The following FAM168A variants were observed in gnomAD, a reference collection of about 807,000 sequenced individuals.
FAM168A encodes protein FAM168A.
In FAM168A, 3 loss-of-function variants were observed where a neutral mutation model predicts 28.5. The ratio of observed to expected loss-of-function variants is 0.11; its 90% CI spans 0.05 to 0.27. The LOEUF (loss-of-function observed/expected upper bound fraction) is 0.27, where lower values mean the gene tolerates loss of function less well. FAM168A is among the 10% of genes least tolerant of loss of function. The probability of loss-of-function intolerance (pLI) is 1.00; values close to 1 mark genes in which losing one functional copy is unlikely to be tolerated. For missense variants in FAM168A, 222 were observed against 311.5 expected (o/e 0.71, Z 2.16); for synonymous variants, 122 against 124.2 (o/e 0.98, Z 0.12).
intron 1 of FAM168A, among the ~76,000 whole-genome samples, chr11:73,526,716 A>T (rs1382886297): frequency 6.6e-6 from 1 of 152,070 alleles, no homozygotes; most frequent in African/African-American, 2.4e-5. Context: ...GAAATAAACA[A>T]CTAATTTCCC....
intron 1 of FAM168A, among the ~76,000 whole-genome samples, chr11:73,543,539 G>A (rs2134680149): frequency 6.6e-6 from 1 of 152,194 alleles, no homozygotes; most frequent in South Asian, 2.1e-4. Context: ...GGGATTACAG[G>A]CATGAGCTAC....
intron 1 of FAM168A, among the ~76,000 whole-genome samples, chr11:73,572,476 T>C (rs1223229839): frequency 1.2e-4 from 18 of 152,020 alleles, no homozygotes; most frequent in East Asian, 1.9e-4. Context: ...GGATGGTTGC[T>C]GTGTCTGTGT....
At chr11:73,496,917 GCA>G (rs376951839) in intron 1 of FAM168A, among the ~76,000 whole-genome samples, 9 of 129,288 alleles carry the variant, frequency 7.0e-5, no homozygotes, top group Admixed American at 2.9e-4. Flanking sequence ...GCACACACAC[GCA>G]CACACACACA....
chr11:73,438,915 C>G (rs868445414), intron 2 of FAM168A, among the ~76,000 whole-genome samples: 4 of 152,158 alleles, frequency 2.6e-5, no homozygotes, highest in Non-Finnish European at 5.9e-5. Flanking sequence ...ACGGGAAACA[C>G]TCTAACTGCA....
intron 1 of FAM168A, among the ~76,000 whole-genome samples, chr11:73,511,531 C>T (rs143000463): frequency 1.1e-3 from 158 of 148,544 alleles, no homozygotes; most frequent in African/African-American, 3.8e-3. Context: ...CCACCGCGCC[C>T]GGCTGAATTT....
At chr11:73,591,748 G>C (rs1015784344) in intron 1 of FAM168A, among the ~76,000 whole-genome samples, 11 of 152,110 alleles carry the variant, frequency 7.2e-5, no homozygotes, top group Admixed American at 2.0e-4. Flanking sequence ...GGGCTCAAGC[G>C]ATCTTCCCAC....
intron 1 of FAM168A, among the ~76,000 whole-genome samples, chr11:73,526,744 A>G (rs894296794): frequency 3.3e-5 from 5 of 152,076 alleles, no homozygotes; most frequent in South Asian, 4.1e-4. Flanking sequence ...CTACAGGAAG[A>G]AAGTTAAAAG....
rs779178154 is a variant in FAM168A, at chr11:73,400,791, C to A, written c.*5972G>T. ...AACCACTCAGTCTAGTCACCTAAGA[C>A]TTTTTTTTGGGGGGGAATTTTTTTT... On this transcript the variant is annotated 3_prime_UTR_variant, in exon 8 of 8. Coordinates refer to ENST00000356467, the MANE Select transcript of FAM168A (RefSeq NM_015159.3). The A allele has an allele frequency of 2.0e-5, 3 of 150,936 alleles. No individual in the cohort carries two copies. Among genetic ancestry groups the A allele is most frequent in the Admixed American group, 6.6e-5 (1 of 15,162 alleles). 9.3% of individuals were successfully genotyped at this position (150,936 alleles called of 1,614,324 possible).
At chr11:73,459,748 A>G (rs1353186780) in intron 2 of FAM168A, among the ~76,000 whole-genome samples, 4 of 152,210 alleles carry the variant, frequency 2.6e-5, no homozygotes, top group Admixed American at 1.3e-4. Flanking sequence ...CAAGTAGGCA[A>G]GGAAAGAGGG....
chr11:73,552,980 A>C (rs918034404), intron 1 of FAM168A, among the ~76,000 whole-genome samples: 14 of 152,172 alleles, frequency 9.2e-5, no homozygotes, highest in African/African-American at 3.1e-4. Flanking sequence ...ATCAATCAAT[A>C]AAGGATGCAT....
chr11:73,481,781 A>G (rs1260657752), intron 1 of FAM168A, among the ~76,000 whole-genome samples: 2 of 152,230 alleles, frequency 1.3e-5, no homozygotes, highest in Non-Finnish European at 2.9e-5. Context: ...TATGGTCTAA[A>G]TATGTCTCCC....
rs1474147567 is a variant in FAM168A, at chr11:73,407,682, G to A, written c.596-39C>T. The A allele has an allele frequency of 7.9e-6, 12 of 1,524,560 alleles. No individual in the cohort carries two copies. The South Asian group carries it at 1.3e-4, about 16-fold the overall frequency. The allele number at this position is 1,524,560 out of a possible 1,614,324, so 94.4% of individuals were successfully genotyped here. A position where few individuals can be genotyped will look rare whatever the true frequency, so the allele number is the denominator to read the frequency against. On this transcript the variant is annotated intron_variant, in intron 6 of 7. Coordinates refer to ENST00000356467, the MANE Select transcript of FAM168A (RefSeq NM_015159.3). Reference sequence around the variant, plus strand: ...GAGAGAAGAGTAACCTGACGAGGCTGCACCAGACACAGGAATGAAGAGGAT... The same window carrying A: ...GAGAGAAGAGTAACCTGACGAGGCTACACCAGACACAGGAATGAAGAGGAT...
intron 1 of FAM168A, among the ~76,000 whole-genome samples, chr11:73,590,571 G>A (rs191752461): frequency 1.8e-4 from 27 of 152,310 alleles, no homozygotes; most frequent in Non-Finnish European, 3.4e-4. Flanking sequence ...ATTATTAGAA[G>A]TTGTTGGTTT....
chr11:73,495,311 A>T (rs148808661), intron 1 of FAM168A, among the ~76,000 whole-genome samples: 40 of 152,360 alleles, frequency 2.6e-4, no homozygotes, highest in African/African-American at 9.4e-4. Context: ...CCTGGGCGAC[A>T]GAGCGAGACT....
intron 1 of FAM168A, among the ~76,000 whole-genome samples, chr11:73,529,133 T>C (rs111543079): frequency 0.019 from 2,874 of 152,340 alleles, 47 homozygotes; most frequent in Non-Finnish European, 0.03. Flanking sequence ...AGTGCTGCTA[T>C]TGTGCATTGT....
intron 1 of FAM168A, among the ~76,000 whole-genome samples, chr11:73,517,538 G>A (rs969324848): frequency 7.9e-5 from 12 of 152,060 alleles, no homozygotes; most frequent in African/African-American, 2.2e-4. Context: ...CTGTTTCGGC[G>A]GGGGCGGGGG....
chr11:73,563,325 C>A (rs1472051225), intron 1 of FAM168A, among the ~76,000 whole-genome samples: 1 of 152,208 alleles, frequency 6.6e-6, no homozygotes, highest in Non-Finnish European at 1.5e-5. Flanking sequence ...GACAATACTG[C>A]TTATCTAATA....
At chr11:73,418,944 G>A (rs1866742987) in intron 4 of FAM168A, among the ~76,000 whole-genome samples, 1 of 151,938 alleles carries the variant, frequency 6.6e-6, no homozygotes, top group South Asian at 2.1e-4. Context: ...GAGTAGCTGG[G>A]ACTACAGGCG....
chr11:73,440,430 C>T (rs1867172689), intron 2 of FAM168A, among the ~76,000 whole-genome samples: 1 of 152,142 alleles, frequency 6.6e-6, no homozygotes. Flanking sequence ...AGGACCGCTG[C>T]TTGAGCACAA....
Sources: allele counts gnomAD v4.1 joint callset (sites outside exome capture counted in the v4.1 genomes callset), GRCh38; gene constraint gnomAD v4.1.1; transcripts MANE v1.5; gene names NCBI Gene and HGNC (gene_info 2026-07-23, HGNC 2026-07-21).